Variants in KLC1 observed in about 807,000 individuals in gnomAD.
The protein encoded by KLC1 is kinesin 2 60/70kDa.
KLC1 carries 30 observed loss-of-function variants against 84.2 expected under a neutral mutation model. That is an observed-to-expected ratio of 0.36 (90% CI 0.27 to 0.48). KLC1 has a LOEUF of 0.48. Among genes scored for constraint, KLC1 ranks in the 20% least tolerant of loss-of-function variants. KLC1 has a pLI of 0.99. For missense variants in KLC1, 499 were observed against 805.4 expected, an observed-to-expected ratio of 0.62 and a Z score of 4.60; for synonymous variants, 289 against 293.3, an observed-to-expected ratio of 0.99 and a Z score of 0.15.
At chr14:103,647,874 CAA>C (rs577778256) in intron 1 of KLC1, among the ~76,000 whole-genome samples, 17 of 90,156 alleles carry the variant, frequency 1.9e-4, no homozygotes, top group Admixed American at 2.4e-4. Flanking sequence ...GACTCCATCT[CAA>C]AAAAAAAAAA....
chr14:103,699,169 G>A (rs2151906535), intron 15 of KLC1: 1 of 1,566,712 alleles, frequency 6.4e-7, no homozygotes, highest in Non-Finnish European at 8.6e-7. Context: ...CTCCTCCATG[G>A]CCTCTGTCAC....
chr14:103,701,205 C>G lies in KLC1; in HGVS notation c.*6C>G. Reference sequence around the variant, plus strand: ...ACCTTCTATCTTCTCTTGCAGTGACCCCGACCTGGCCCCGCTCCAGGATGG... The same window carrying G: ...ACCTTCTATCTTCTCTTGCAGTGACGCCGACCTGGCCCCGCTCCAGGATGG... On this transcript the variant is annotated 3_prime_UTR_variant, in exon 17 of 17. Transcript: ENST00000334553. The G allele has an allele frequency of 6.4e-7, 1 of 1,550,828 alleles. No homozygotes were observed. The highest frequency in any genetic ancestry group is 1.4e-5 in the African/African-American group (1 of 73,180).
chr14:103,641,679 C>T (rs2151352123), intron 1 of KLC1, among the ~76,000 whole-genome samples: 1 of 152,162 alleles, frequency 6.6e-6, no homozygotes, highest in East Asian at 1.9e-4. Context: ...TCACTGCAGC[C>T]TCCGCCTCCT....
rs1442390464 is a variant in KLC1, at chr14:103,694,540, ATTTC to A, written c.1848+2118_1848+2121del. 5.1e-6 allele frequency: 5 copies of A among 985,342 alleles called. No homozygotes were observed. In the South Asian group the frequency reaches 2.3e-4, roughly 46 times the overall value. The allele number at this position is 985,342 out of a possible 1,614,324, so 61.0% of individuals were successfully genotyped here. On this transcript the variant is annotated intron_variant, in intron 15 of 16. Coordinates refer to ENST00000334553, the MANE Select transcript of KLC1 (RefSeq NM_001394837.1). This position sits in a 1 kb window ranked among gnomAD's most constrained non-coding sequence, Gnocchi z 4.5. ...CTTTTCAAATCAATGCTGAGGCTGT[ATTTC>A]TTAGCCGTCCACAAACTAGTCCATA...
At chr14:103,673,559 A>G in intron 9 of KLC1, 128 bp downstream of exon 9, 1 of 600,254 alleles carries the variant, frequency 1.7e-6, no homozygotes, top group Non-Finnish European at 2.9e-6. Context: ...TAAATAGTTT[A>G]AATGTGTGAT....
intron 14 of KLC1, among the ~76,000 whole-genome samples, chr14:103,689,821 G>T (rs1951877696): frequency 6.6e-6 from 1 of 152,210 alleles, no homozygotes; most frequent in African/African-American, 2.4e-5. Flanking sequence ...GAGACGTTGA[G>T]GATTCGAGTT....
At chr14:103,663,743 A>T (rs1671854802) in intron 5 of KLC1, among the ~76,000 whole-genome samples, 7 of 152,124 alleles carry the variant, frequency 4.6e-5, no homozygotes, top group Admixed American at 4.6e-4. Context: ...CCTTTGGCTC[A>T]GTGCCTAGGA....
intron 5 of KLC1, among the ~76,000 whole-genome samples, chr14:103,668,695 G>A (rs2080110642): frequency 6.6e-6 from 1 of 152,072 alleles, no homozygotes; most frequent in Non-Finnish European, 1.5e-5. Flanking sequence ...TAGCAAGGAT[G>A]GTCTCGATCT....
At chr14:103,700,506 C>G in intron 15 of KLC1, 149 bp from the exon 16 acceptor site, 1 of 587,854 alleles carries the variant, frequency 1.7e-6, no homozygotes, top group Non-Finnish European at 3.0e-6. Context: ...GCCAGCAGCT[C>G]TGGCCAGATG....
In KLC1 at chr14:103,694,644, T is replaced by C. The variant is rs978522080; in HGVS notation, c.1848+2219T>C. On this transcript the variant is annotated intron_variant, in intron 15 of 16. Coordinates refer to ENST00000334553, the MANE Select transcript of KLC1 (RefSeq NM_001394837.1). The surrounding 1 kb of genome is among the most constrained non-coding windows in gnomAD (Gnocchi z 4.5). ...CTGACGCTCAGCAGCGCCACCTCCA[T>C]GCCAGCCAACTAGGCTACGGGATGG... is the stretch of plus-strand genomic sequence containing the variant. 1.1e-5 allele frequency: 11 copies of C among 985,350 alleles called. No individual in the cohort carries two copies. The highest frequency in any genetic ancestry group is 1.7e-5 in the African/African-American group (1 of 57,250). The allele number at this position is 985,350 out of a possible 1,614,324, so 61.0% of individuals were successfully genotyped here.
At chr14:103,662,645 G>C in intron 4 of KLC1, 57 bp from the exon 5 acceptor site, 1 of 1,316,170 alleles carries the variant, frequency 7.6e-7, no homozygotes, top group Non-Finnish European at 1.0e-6. Context: ...TAAAGAAACT[G>C]ACTCATCTGG....
chr14:103,670,425 C>G (rs1301501595), intron 7 of KLC1, 142 bp downstream of exon 7: 2 of 541,660 alleles, frequency 3.7e-6, no homozygotes, highest in Non-Finnish European at 6.6e-6. Context: ...CAACCCCCAC[C>G]TCCATGGTTC....
intron 15 of KLC1, chr14:103,696,921 C>T (rs2082577021): frequency 1.0e-6 from 1 of 985,204 alleles, no homozygotes; most frequent in Admixed American, 6.1e-5. Flanking sequence ...TCTGCAGACT[C>T]CTGTGGTGGG....
chr14:103,662,048 A>C, intron 3 of KLC1, 68 bp from the exon 4 acceptor site: 6 of 1,012,262 alleles, frequency 5.9e-6, no homozygotes, highest in Non-Finnish European at 9.2e-6. Flanking sequence ...ATTTAATATT[A>C]AAAATTTTCA....
rs369035894 is a variant in KLC1, at chr14:103,662,751, C to T, written c.621C>T (p.Tyr207=). The T allele has an allele frequency of 1.7e-5, 28 of 1,610,322 alleles. No individual in the cohort carries two copies. The South Asian group carries it at 1.8e-4, about 10-fold the overall frequency. ...SAAAAAQQGG[Y]EIPARLRTLH... ...CCGCGGCTGCCCAGCAGGGCGGCTACGAGATCCCCGCGCGGCTGCGGACGC... is the reference window on the plus strand; with the variant it reads ...CCGCGGCTGCCCAGCAGGGCGGCTATGAGATCCCCGCGCGGCTGCGGACGC... Residue 207 remains tyrosine (Y), a synonymous_variant, in exon 5 of 17, where the codon TAC becomes TAT. Transcript: ENST00000334553.
rs117322327 is a variant in KLC1 at position 103,689,118 on chromosome 14, C to T, written c.1781+1907C>T. ...TGTCACACAGCAGCTCTCAGATCCCCTCCAGGAATTACATGATGCCCAGAG... is the reference window on the plus strand; with the variant it reads ...TGTCACACAGCAGCTCTCAGATCCCTTCCAGGAATTACATGATGCCCAGAG... On this transcript the variant is annotated intron_variant, in intron 14 of 16. Transcript: ENST00000334553. 9.7e-4 allele frequency among the ~76,000 whole-genome samples: 147 copies of T among 152,274 alleles called. 3 individuals carry two copies. In the East Asian group the frequency reaches 0.021, roughly 22 times the overall value.
chr14:103,698,770 G>A (rs896196154), intron 15 of KLC1: 28 of 1,564,370 alleles, frequency 1.8e-5, no homozygotes, highest in Admixed American at 7.5e-5. Flanking sequence ...GGCTTCTCAG[G>A]CAGGGCTGTT....
intron 1 of KLC1, among the ~76,000 whole-genome samples, chr14:103,634,413 G>T (rs2076903966): frequency 6.6e-6 from 1 of 152,176 alleles, no homozygotes; most frequent in Non-Finnish European, 1.5e-5. Context: ...GAGATTATGA[G>T]TTTGTTTTTG....
intron 15 of KLC1, chr14:103,698,133 G>A (rs1242526493): frequency 6.3e-6 from 1 of 157,630 alleles, no homozygotes; most frequent in Non-Finnish European, 1.4e-5. Context: ...CACTACTAGA[G>A]ACAAGGCAGT....
Sources: gnomAD v4.1 joint callset for allele counts (sites outside exome capture counted in the v4.1 genomes callset) on GRCh38, gnomAD v4.1.1 for gene constraint, Gnocchi (gnomAD v3.1) non-coding constraint, MANE v1.5 for transcripts, NCBI Gene and HGNC (gene_info 2026-07-23, HGNC 2026-07-21) for gene names.